Variants in SCHIP1 observed in about 807,000 individuals in gnomAD.
SCHIP1 encodes schwannomin interacting protein 1.
In SCHIP1, 8 loss-of-function variants were observed where a neutral mutation model predicts 29.7. The observed-to-expected ratio is 0.27, with a 90% CI of 0.16 to 0.49. The LOEUF is 0.49. Among genes scored for constraint, SCHIP1 ranks in the 20% least tolerant of loss-of-function variants. The pLI is 0.99. For synonymous variants in SCHIP1, 76 were observed against 94.9 expected (o/e 0.80, Z 1.16); for missense variants, 193 against 294.6 (o/e 0.66, Z 2.52).
the SCHIP1 span, among the ~76,000 whole-genome samples, chr3:159,473,527 T>C: frequency 2.6e-5 from 4 of 151,894 alleles, no homozygotes; most frequent in African/African-American, 9.7e-5. Flanking sequence ...ATATATCCTT[T>C]GGGAAATCCT....
At chr3:159,497,807 C>G in the SCHIP1 span, among the ~76,000 whole-genome samples, 1 of 152,118 alleles carries the variant, frequency 6.6e-6, no homozygotes, top group Non-Finnish European at 1.5e-5. Context: ...AAAGTCACAA[C>G]TAGTAAGTAG....
the SCHIP1 span, among the ~76,000 whole-genome samples, chr3:159,379,705 A>T: frequency 0.14 from 21,034 of 151,526 alleles, 1,704 homozygotes; most frequent in African/African-American, 0.2. Flanking sequence ...ACTCAGAGTT[A>T]TGGACACCAT....
the SCHIP1 span, among the ~76,000 whole-genome samples, chr3:159,683,938 A>C: frequency 6.6e-6 from 1 of 151,944 alleles, no homozygotes; most frequent in African/African-American, 2.4e-5. Context: ...CTCTCTCTGT[A>C]TTAATCATGG....
At chr3:159,672,537 G>A in the SCHIP1 span, among the ~76,000 whole-genome samples, 19 of 152,136 alleles carry the variant, frequency 1.2e-4, no homozygotes, top group African/African-American at 3.9e-4. Flanking sequence ...GCAATTTTGC[G>A]CCCCTACCCA....
the SCHIP1 span, among the ~76,000 whole-genome samples, chr3:159,469,578 G>A: frequency 6.6e-6 from 1 of 152,110 alleles, no homozygotes; most frequent in East Asian, 1.9e-4. Context: ...AAATGTGCAG[G>A]AGCAGGCGGG....
At chr3:159,660,846 G>A in the SCHIP1 span, among the ~76,000 whole-genome samples, 4 of 152,132 alleles carry the variant, frequency 2.6e-5, no homozygotes, top group Admixed American at 2.6e-4. Context: ...AAGGGAAAAG[G>A]AAAGAAATCA....
the SCHIP1 span, among the ~76,000 whole-genome samples, chr3:159,605,491 T>C: frequency 2.6e-5 from 4 of 152,136 alleles, no homozygotes; most frequent in African/African-American, 9.7e-5. Flanking sequence ...CCTTCTACGA[T>C]AGGAAACTGA....
the SCHIP1 span, among the ~76,000 whole-genome samples, chr3:159,316,578 C>T: frequency 7.2e-5 from 11 of 152,220 alleles, no homozygotes; most frequent in East Asian, 1.5e-3. Context: ...CAGTATTAAC[C>T]GTCACAAGTC....
At chr3:159,294,625 A>G in the SCHIP1 span, among the ~76,000 whole-genome samples, 2 of 152,206 alleles carry the variant, frequency 1.3e-5, no homozygotes, top group African/African-American at 4.8e-5. Context: ...AATTCTACCA[A>G]GTGTATTTAC....
At chr3:159,422,293 C>G in the SCHIP1 span, among the ~76,000 whole-genome samples, 1 of 152,106 alleles carries the variant, frequency 6.6e-6, no homozygotes, top group Admixed American at 6.5e-5. Context: ...TTGAAAAACT[C>G]CTTGAATTTC....
At chr3:159,756,004 C>T in the SCHIP1 span, among the ~76,000 whole-genome samples, 19 of 152,364 alleles carry the variant, frequency 1.2e-4, no homozygotes, top group South Asian at 1.4e-3. Flanking sequence ...GCTGCTTTCA[C>T]GGGCTGTTGT....
the SCHIP1 span, among the ~76,000 whole-genome samples, chr3:159,541,902 T>C: frequency 0.015 from 2,331 of 152,212 alleles, 68 homozygotes; most frequent in African/African-American, 0.053. Context: ...GTAAAATTGC[T>C]TTGAAATATG....
the SCHIP1 span, among the ~76,000 whole-genome samples, chr3:159,516,831 A>G: frequency 1.3e-5 from 2 of 152,114 alleles, no homozygotes; most frequent in East Asian, 3.9e-4. Flanking sequence ...CTCCCACTAG[A>G]AAAGCCCTCA....
At chr3:159,888,752 T>A in intron 4 of SCHIP1, 68 bp from the exon 6 acceptor site, 1 of 1,571,984 alleles carries the variant, frequency 6.4e-7, no homozygotes, top group Non-Finnish European at 8.6e-7. Context: ...AAGAGAAAAC[T>A]GGGTCTTAAC....
At chr3:159,460,504 A>T in the SCHIP1 span, among the ~76,000 whole-genome samples, 1 of 152,198 alleles carries the variant, frequency 6.6e-6, no homozygotes, top group Non-Finnish European at 1.5e-5. Flanking sequence ...GAAGGACTCA[A>T]AGAATAATAC....
chr3:159,403,544 G>A, the SCHIP1 span, among the ~76,000 whole-genome samples: 1 of 152,232 alleles, frequency 6.6e-6, no homozygotes, highest in East Asian at 1.9e-4. Context: ...CCCTGTCACA[G>A]TGGAAAGCAA....
chr3:159,594,683 A>G, the SCHIP1 span, among the ~76,000 whole-genome samples: 2 of 152,218 alleles, frequency 1.3e-5, no homozygotes, highest in African/African-American at 2.4e-5. Context: ...CAGCATAGAG[A>G]CAAGCCTATT....
chr3:159,493,440 G>C, the SCHIP1 span, among the ~76,000 whole-genome samples: 3 of 152,140 alleles, frequency 2.0e-5, no homozygotes, highest in Admixed American at 2.0e-4. Context: ...AAAAAAGGCA[G>C]GGGTTGCAAT....
chr3:159,459,920 C>T, the SCHIP1 span, among the ~76,000 whole-genome samples: 1 of 152,100 alleles, frequency 6.6e-6, no homozygotes, highest in Non-Finnish European at 1.5e-5. Flanking sequence ...TCAGAAGAAA[C>T]CAATCCTGCC....
Sources: gnomAD v4.1 joint callset for allele counts (sites outside exome capture counted in the v4.1 genomes callset) on GRCh38, gnomAD v4.1.1 for gene constraint, MANE v1.5 for transcripts, NCBI Gene and HGNC (gene_info 2026-07-23, HGNC 2026-07-21) for gene names.